The following ZNF407 variants were observed in gnomAD, a reference collection of about 807,000 sequenced individuals.
ZNF407 encodes zinc finger protein 407.
A neutral mutation model predicts 131.2 loss-of-function variants in ZNF407; 17 were observed. The ratio of observed to expected loss-of-function variants is 0.13; its 90% CI spans 0.09 to 0.19. The LOEUF is 0.19. ZNF407 is among the 10% of genes least tolerant of loss of function. The pLI, the probability that ZNF407 is intolerant of heterozygous loss-of-function variation, is 1.00. For synonymous variants in ZNF407, 1,156 were observed against 1,062.0 expected (o/e 1.09, Z -1.72); for missense variants, 2,681 against 2,830.6 (o/e 0.95, Z 1.20).
At chr18:74,689,270 A>C (rs1459339238) in intron 3 of ZNF407, among the ~76,000 whole-genome samples, 4 of 152,224 alleles carry the variant, frequency 2.6e-5, no homozygotes, top group Admixed American at 2.0e-4. Context: ...GTGCTTTAAT[A>C]AAGTTCATTT....
chr18:75,023,426 T>G (rs1468590148), intron 8 of ZNF407, among the ~76,000 whole-genome samples: 5 of 152,126 alleles, frequency 3.3e-5, no homozygotes, highest in Non-Finnish European at 1.5e-5. Context: ...CTAATTATAA[T>G]TAATAGTATG....
intron 3 of ZNF407, among the ~76,000 whole-genome samples, chr18:74,698,863 C>T (rs1967423968): frequency 6.6e-6 from 1 of 152,022 alleles, no homozygotes. Context: ...AATTTGTTCC[C>T]CTCTTATTTC....
chr18:74,853,966 T>G (rs748980302), intron 4 of ZNF407, among the ~76,000 whole-genome samples: 1 of 152,236 alleles, frequency 6.6e-6, no homozygotes, highest in African/African-American at 2.4e-5. Flanking sequence ...GGACAAATTT[T>G]AATGACTTCA....
rs180681536 is a variant in ZNF407, at chr18:74,762,500, C to G, written c.4803-18928C>G. 5.3e-5 allele frequency among the ~76,000 whole-genome samples: 8 copies of G among 152,122 alleles called. No homozygotes were observed. The East Asian group carries it at 1.5e-3, about 29-fold the overall frequency. ...ATTTAGACATATGTGTATGTATTCT[C>G]CATGAAACCTTTACCTCAAACAAGA... is the stretch of plus-strand genomic sequence containing the variant. On this transcript the variant is annotated intron_variant, in intron 3 of 8. Transcript: ENST00000299687.
rs17055941 is a variant in ZNF407 at position 74,927,146 on chromosome 18, C to T, written c.5428+6454C>T. 8.2e-3 allele frequency among the ~76,000 whole-genome samples: 1,249 copies of T among 152,296 alleles called. 19 individuals carry two copies. Among genetic ancestry groups the T allele is most frequent in the African/African-American group, 0.028 (1,182 of 41,572 alleles). ...ACTTTTCTCTACACCATTGAATCTT[C>T]AAAACAAATCTTGTTGATACATGTT... On this transcript the variant is annotated intron_variant, in intron 8 of 8. Transcript: ENST00000299687.
chr18:74,611,832 G>C (rs1399168018), intron 1 of ZNF407, among the ~76,000 whole-genome samples: 1 of 152,154 alleles, frequency 6.6e-6, no homozygotes, highest in Non-Finnish European at 1.5e-5. Context: ...GCAACTTTAA[G>C]GATGGGCCAG....
chr18:75,035,228 A>G (rs1168964880), intron 8 of ZNF407, among the ~76,000 whole-genome samples: 1 of 152,216 alleles, frequency 6.6e-6, no homozygotes, highest in Non-Finnish European at 1.5e-5. Context: ...AGTGCTGGCC[A>G]TTCAAAAGTT....
chr18:74,608,964 T>G (rs1003423387), intron 1 of ZNF407, among the ~76,000 whole-genome samples: 3 of 152,218 alleles, frequency 2.0e-5, no homozygotes, highest in African/African-American at 7.2e-5. Context: ...TGACTCATTT[T>G]TTTTTTGATT....
chr18:74,924,992 C>A (rs1479310282), intron 8 of ZNF407, among the ~76,000 whole-genome samples: 1 of 152,120 alleles, frequency 6.6e-6, no homozygotes, highest in East Asian at 1.9e-4. Flanking sequence ...TTAGTTATTT[C>A]TTATTTCTCT....
intron 3 of ZNF407, among the ~76,000 whole-genome samples, chr18:74,661,669 GA>G (rs1244066479): frequency 6.6e-6 from 1 of 152,066 alleles, no homozygotes; most frequent in Non-Finnish European, 1.5e-5. Flanking sequence ...TTGAAAAGAT[GA>G]GATTATTCTA....
chr18:74,638,806 A>G (rs1984578450), intron 2 of ZNF407, among the ~76,000 whole-genome samples: 1 of 152,222 alleles, frequency 6.6e-6, no homozygotes, highest in Non-Finnish European at 1.5e-5. Flanking sequence ...AGAGATCTGC[A>G]ATTTTACAAT....
chr18:74,782,049 G>A (rs867109654), intron 4 of ZNF407, among the ~76,000 whole-genome samples: 2 of 152,088 alleles, frequency 1.3e-5, no homozygotes, highest in Non-Finnish European at 1.5e-5. Flanking sequence ...TAGCTTCATC[G>A]CATAGACTTA....
At chr18:74,605,216 CACCCCCA>C (rs372848127) in intron 1 of ZNF407, among the ~76,000 whole-genome samples, 16,651 of 152,216 alleles carry the variant, frequency 0.11, 1,012 homozygotes, top group Non-Finnish European at 0.14. Context: ...GCACCTCCTT[CACCCCCA>C]GCTACTTAGT....
At chr18:75,017,707 G>A (rs1229711154) in intron 8 of ZNF407, among the ~76,000 whole-genome samples, 1 of 152,158 alleles carries the variant, frequency 6.6e-6, no homozygotes, top group African/African-American at 2.4e-5. Context: ...ACCATGTGTT[G>A]TGGTCCAAGT....
At chr18:74,851,954 G>T (rs1243946291) in intron 4 of ZNF407, among the ~76,000 whole-genome samples, 3 of 152,216 alleles carry the variant, frequency 2.0e-5, no homozygotes, top group African/African-American at 7.2e-5. Flanking sequence ...TGGAGAGGGT[G>T]CTCCTTAAGA....
chr18:75,059,016 G>A lies in ZNF407; in HGVS notation c.5429-4134G>A, dbSNP rs150939024. On this transcript the variant is annotated intron_variant, in intron 8 of 8. Transcript: ENST00000299687. ...TTGCTGAATCAAAAGATGGACCCGC[G>A]CTCGCATTTATGAACTGTGATGGAC... Among the ~76,000 whole-genome samples, 56 of 152,282 alleles carry A rather than the reference G, an allele frequency of 3.7e-4. 3 individuals are homozygous for A. The East Asian group carries it at 9.4e-3, about 26-fold the overall frequency.
At chr18:74,762,714 AATC>A (rs1969124195) in intron 3 of ZNF407, among the ~76,000 whole-genome samples, 1 of 151,816 alleles carries the variant, frequency 6.6e-6, no homozygotes, top group Admixed American at 6.6e-5. Flanking sequence ...TTTTTTTTAA[AATC>A]ATCATAGCTG....
chr18:74,911,900 G>A (rs17055910), intron 7 of ZNF407, among the ~76,000 whole-genome samples: 2 of 152,120 alleles, frequency 1.3e-5, no homozygotes, highest in South Asian at 4.1e-4. Context: ...GTGGGTTGCG[G>A]GAATGAGAAT....
At chr18:74,680,454 T>G (rs151296474) in intron 3 of ZNF407, among the ~76,000 whole-genome samples, 7 of 150,968 alleles carry the variant, frequency 4.6e-5, no homozygotes, top group Admixed American at 4.6e-4. Context: ...GGAAAAAAAT[T>G]GAAGGTGTTT....
Sources: allele counts gnomAD v4.1 joint callset (sites outside exome capture counted in the v4.1 genomes callset), GRCh38; gene constraint gnomAD v4.1.1; transcripts MANE v1.5; gene names NCBI Gene and HGNC (gene_info 2026-07-23, HGNC 2026-07-21).